The following DYNC2I1 variants were observed in gnomAD, a reference collection of about 807,000 sequenced individuals.
The protein encoded by DYNC2I1 is dynein 2 intermediate chain 1.
Under a neutral mutation model 133.4 loss-of-function variants are expected in DYNC2I1, and 89 were observed. The ratio of observed to expected loss-of-function variants is 0.67; its 90% CI spans 0.56 to 0.80. The LOEUF (loss-of-function observed/expected upper bound fraction) is 0.80, where lower values mean the gene tolerates loss of function less well. DYNC2I1 is among the 30% of genes least tolerant of loss of function. The pLI, the probability that DYNC2I1 is intolerant of heterozygous loss-of-function variation, is 0.00. For missense variants in DYNC2I1, 1,291 were observed against 1,314.5 expected, an observed-to-expected ratio of 0.98 and a Z score of 0.28; for synonymous variants, 504 against 484.3, an observed-to-expected ratio of 1.04 and a Z score of -0.54.
intron 21 of DYNC2I1, among the ~76,000 whole-genome samples, chr7:158,933,584 G>A (rs1850441214): frequency 6.6e-6 from 1 of 152,250 alleles, no homozygotes; most frequent in Admixed American, 6.5e-5. Context: ...AGCTGAGTGG[G>A]TGTGTGGGAA....
chr7:158,905,032 T>C (rs776856857), intron 10 of DYNC2I1: 4 of 364,398 alleles, frequency 1.1e-5, no homozygotes, highest in South Asian at 2.2e-5. Context: ...CAGGTAAGTA[T>C]GTACAAGAAG....
chr7:158,930,503 A>G lies in DYNC2I1; in HGVS notation c.2534A>G (p.Gln845Arg), dbSNP rs764622401. 2 of 1,612,904 alleles carry G rather than the reference A, an allele frequency of 1.2e-6. No individual in the cohort carries two copies. Among genetic ancestry groups the G allele is most frequent in the South Asian group, 2.2e-5 (2 of 90,558 alleles). Residue 845 changes from glutamine (Q) to arginine (R), a missense_variant, in exon 21 of 25, where the codon CAG (glutamine) becomes CGG (arginine). Transcript: ENST00000407559. ...AAGCTGGTACATAGTGCTCTGATCC[A>G]GTTGGGTGACAGGTAAGATGTGAGG... ...RVKLVHSALI[Q>R]LGDSLSHKGN... is the part of the protein sequence containing the mutation.
chr7:158,936,190 C>G (rs554786815), intron 23 of DYNC2I1, among the ~76,000 whole-genome samples: 2 of 152,210 alleles, frequency 1.3e-5, no homozygotes, highest in South Asian at 4.1e-4. Context: ...AACTCCGTCT[C>G]AAAACAAAAA....
At chr7:158,904,989 C>A (rs1239325355) in intron 10 of DYNC2I1, 1 of 285,458 alleles carries the variant, frequency 3.5e-6, no homozygotes, top group Non-Finnish European at 6.9e-6. Context: ...CGATAAGATG[C>A]AGTAGAAATA....
Position 158,923,059 on chromosome 7 carries a change from G to A in DYNC2I1, c.2094+510G>A, listed in dbSNP as rs10228654. On this transcript the variant is annotated intron_variant, in intron 16 of 24. Coordinates refer to ENST00000407559, the MANE Select transcript of DYNC2I1 (RefSeq NM_018051.5). ...ATTCACCGCCCAGGAGGCTGGCACC[G>A]AGGCTTGAGGACTGTGCGGTGAGGG... Among the ~76,000 whole-genome samples, 644 of 152,282 alleles carry A rather than the reference G, an allele frequency of 4.2e-3. 10 individuals carry two copies. The highest frequency in any genetic ancestry group is 0.014 in the African/African-American group (591 of 41,550).
chr7:158,875,835 C>T lies in DYNC2I1; in HGVS notation c.491-774C>T, dbSNP rs28669761. Among the ~76,000 whole-genome samples the T allele has an allele frequency of 4.3e-3, 651 of 152,240 alleles. 8 individuals carry two copies. The highest frequency in any genetic ancestry group is 0.015 in the African/African-American group (615 of 41,542). On this transcript the variant is annotated intron_variant, in intron 3 of 24. Coordinates refer to ENST00000407559, the MANE Select transcript of DYNC2I1 (RefSeq NM_018051.5). ...GCTCACATTTGGCTAAAGTGTTGGC[C>T]GACTGGGCTGGTTCTCCTGTTCAGA...
rs1447306462 is a variant in DYNC2I1 at position 158,856,851 on chromosome 7, T to A, written c.15+101T>A. On this transcript the variant is annotated intron_variant, in intron 1 of 24. Coordinates refer to ENST00000407559, the MANE Select transcript of DYNC2I1 (RefSeq NM_018051.5). ...CGCCGCCCTCCCTTTGCGCAGCGGT[T>A]CTCTCGGCCGGGCCGGGGCTTCCCG... 3.3e-6 allele frequency: 4 copies of A among 1,197,562 alleles called. No individual in the cohort carries two copies. The African/African-American group carries it at 6.3e-5, about 19-fold the overall frequency. 74.2% of individuals were successfully genotyped at this position (1,197,562 alleles called of 1,614,324 possible).
At chr7:158,853,055 C>G (rs1841091724), upstream of DYNC2I1, among the ~76,000 whole-genome samples, 1 of 152,206 alleles carries the variant, frequency 6.6e-6, no homozygotes, top group African/African-American at 2.4e-5. Context: ...AGTCTTTTGA[C>G]TCTAAGTCTC....
chr7:158,902,028 A>T (rs1846305796), intron 9 of DYNC2I1, among the ~76,000 whole-genome samples: 3 of 152,176 alleles, frequency 2.0e-5, no homozygotes, highest in Admixed American at 2.0e-4. Context: ...ATGATTTTAT[A>T]ATTTAACTCA....
At chr7:158,845,952 T>A in the DYNC2I1 span, among the ~76,000 whole-genome samples, 1 of 152,250 alleles carries the variant, frequency 6.6e-6, no homozygotes, top group African/African-American at 2.4e-5. Context: ...CAAAGGTTAT[T>A]TAAAGGTTAC....
At chr7:158,921,373 C>A (rs1409113360) in intron 15 of DYNC2I1, among the ~76,000 whole-genome samples, 1 of 152,086 alleles carries the variant, frequency 6.6e-6, no homozygotes, top group Non-Finnish European at 1.5e-5. Flanking sequence ...GCGTTGGTTG[C>A]CATATCATAG....
Position 158,879,173 on chromosome 7 carries a change from A to G in DYNC2I1, c.574-511A>G, listed in dbSNP as rs577746073. 3.3e-5 allele frequency among the ~76,000 whole-genome samples: 5 copies of G among 152,230 alleles called. No individual in the cohort carries two copies. In the South Asian group the frequency reaches 1.0e-3, roughly 32 times the overall value. On this transcript the variant is annotated intron_variant, in intron 4 of 24. Coordinates refer to ENST00000407559, the MANE Select transcript of DYNC2I1 (RefSeq NM_018051.5). ...TGTCTGACCATGGACCATGACATGA[A>G]TAGGGTTTTTCCTTACACAAGGGTA...
chr7:158,864,867 C>T (rs1248790855), intron 1 of DYNC2I1, among the ~76,000 whole-genome samples: 1 of 152,216 alleles, frequency 6.6e-6, no homozygotes, highest in Admixed American at 6.5e-5. Context: ...CAGTATTTAA[C>T]TTTAACCTCT....
At chr7:158,915,573 C>G (rs201272732) in intron 14 of DYNC2I1, among the ~76,000 whole-genome samples, 211 of 48,044 alleles carry the variant, frequency 4.4e-3, no homozygotes, top group East Asian at 7.6e-3. Context: ...ATTGTGAAAC[C>G]TCGACACGCT....
intron 14 of DYNC2I1, 148 bp from the exon 15 acceptor site, chr7:158,918,592 G>T: frequency 1.2e-6 from 1 of 809,902 alleles, no homozygotes. Flanking sequence ...GAGCAGAAAG[G>T]ACCGTATCGT....
intron 5 of DYNC2I1, among the ~76,000 whole-genome samples, chr7:158,882,010 G>T (rs1844082242): frequency 6.6e-6 from 1 of 152,184 alleles, no homozygotes; most frequent in African/African-American, 2.4e-5. Context: ...TCTGGACATA[G>T]ATTTGGCTTT....
chr7:158,844,463 G>A, the DYNC2I1 span, among the ~76,000 whole-genome samples: 63 of 152,012 alleles, frequency 4.1e-4, 1 homozygote, highest in Admixed American at 3.9e-4. Flanking sequence ...TGGGGTGGGT[G>A]GGTGATAAGG....
At chr7:158,953,215 A>AGCT (rs1357052678) in intron 4 of DYNC2I1, among the ~76,000 whole-genome samples, 41 of 123,042 alleles carry the variant, frequency 3.3e-4, no homozygotes, top group East Asian at 2.9e-3. Context: ...AGTGACACTG[A>AGCT]GATGACCCAC....
the DYNC2I1 span, among the ~76,000 whole-genome samples, chr7:158,848,311 T>G: frequency 6.5e-4 from 99 of 152,304 alleles, 1 homozygote; most frequent in African/African-American, 2.3e-3. Flanking sequence ...TTATGATGAC[T>G]GGGATATTCT....
Sources: allele counts gnomAD v4.1 joint callset (sites outside exome capture counted in the v4.1 genomes callset), GRCh38; gene constraint gnomAD v4.1.1; transcripts MANE v1.5; gene names NCBI Gene and HGNC (gene_info 2026-07-23, HGNC 2026-07-21).